Variants in TOMM20 observed in about 807,000 individuals in gnomAD.
TOMM20 encodes the protein mitochondrial import receptor subunit TOM20 homolog.
TOMM20 carries 10 observed loss-of-function variants against 22.1 expected under a neutral mutation model. The ratio of observed to expected loss-of-function variants is 0.45; its 90% CI spans 0.28 to 0.77. The LOEUF is 0.77. Among genes scored for constraint, TOMM20 ranks in the 30% least tolerant of loss-of-function variants. The probability of loss-of-function intolerance (pLI) is 0.13; values close to 1 mark genes in which losing one functional copy is unlikely to be tolerated. For synonymous variants in TOMM20, 55 were observed against 61.4 expected (o/e 0.90, Z 0.49); for missense variants, 121 against 172.2 (o/e 0.70, Z 1.66).
intron 1 of TOMM20, among the ~76,000 whole-genome samples, chr1:235,124,172 C>A (rs1660976054): frequency 2.0e-5 from 3 of 152,328 alleles, no homozygotes. Context: ...TACGGTGAAA[C>A]CCCGTCTTTA....
chr1:235,125,422 A>G lies in TOMM20; in HGVS notation c.122-3050T>C, dbSNP rs146259507. Among the ~76,000 whole-genome samples, 738 of 152,102 alleles carry G rather than the reference A, an allele frequency of 4.9e-3. 32 individuals carry two copies. The East Asian group carries it at 0.11, about 22-fold the overall frequency. ...AGTAAAGACGGGGTTTCACCATGTT[A>G]GCCAGGATGGTCTCGATCTCCTGAC... On this transcript the variant is annotated intron_variant, in intron 1 of 4. Transcript: ENST00000366607.
At chr1:235,113,600 G>A (rs1017874676) in intron 4 of TOMM20, among the ~76,000 whole-genome samples, 168 bp downstream of exon 4, 1 of 152,130 alleles carries the variant, frequency 6.6e-6, no homozygotes, top group Non-Finnish European at 1.5e-5. Flanking sequence ...CAGTCATCTG[G>A]ATGTTTCCCA....
Position 235,128,774 on chromosome 1 carries a change from C to G in TOMM20, c.-59G>C, listed in dbSNP as rs1052814412. The G allele has an allele frequency of 5.0e-6, 8 of 1,608,900 alleles. 1 individual carries two copies. Among genetic ancestry groups the G allele is most frequent in the Middle Eastern group, 1.7e-4 (1 of 6,050 alleles). ...CAGGGACCGCGAAGGAGCGGTGGGC[C>G]ACGAACCCTCAGAGCGGTCGGCGCA... is the stretch of plus-strand genomic sequence containing the variant. On this transcript the variant is annotated 5_prime_UTR_variant, in exon 1 of 5. Transcript: ENST00000366607.
At chr1:235,115,415 G>A (rs1215352007) in intron 3 of TOMM20, among the ~76,000 whole-genome samples, 1 of 151,884 alleles carries the variant, frequency 6.6e-6, no homozygotes, top group Non-Finnish European at 1.5e-5. Context: ...GGATCACAAG[G>A]TCAGGAGTTC....
rs1558131957 is a variant in TOMM20 at position 235,128,745 on chromosome 1, GC to G, written c.-31del. On this transcript the variant is annotated 5_prime_UTR_variant, in exon 1 of 5. Coordinates refer to ENST00000366607, the MANE Select transcript of TOMM20 (RefSeq NM_014765.3). The stretch of plus-strand genomic sequence containing the variant: ...TCTACAACGCTGAGCGTGGACGGTG[GC>G]GGCAGGGACCGCGAAGGAGCGGTGG... 9 of 1,613,108 alleles carry G rather than the reference GC, an allele frequency of 5.6e-6. No homozygotes were observed. In the Admixed American group the frequency reaches 1.3e-4, roughly 24 times the overall value.
chr1:235,128,612 T>G lies in TOMM20; in HGVS notation c.104A>C (p.Lys35Thr). The change falls in exon 1 of 5, where the codon AAG becomes ACG. Residue 35 changes from lysine (K) to threonine (T), a missense_variant. Coordinates refer to ENST00000366607, the MANE Select transcript of TOMM20 (RefSeq NM_014765.3). ...DRKRRSDPNF[K>T]NRLRERRKKQ... ...CCACTCACGTTCTCGAAGCCTGTTC[T>G]TGAAGTTGGGGTCACTTCGTCTTTT... 1 of 1,613,002 alleles carries G rather than the reference T, an allele frequency of 6.2e-7. No individual in the cohort carries two copies. The highest frequency in any genetic ancestry group is 8.5e-7 in the Non-Finnish European group (1 of 1,179,930).
At chr1:235,112,135 A>G (rs781452569) in intron 4 of TOMM20, 27 bp from the exon 5 acceptor site, 1 of 1,554,630 alleles carries the variant, frequency 6.4e-7, no homozygotes, top group Non-Finnish European at 8.8e-7. Flanking sequence ...ATAATTTTTT[A>G]AAGTGTCATA....
intron 1 of TOMM20, among the ~76,000 whole-genome samples, chr1:235,127,589 A>G (rs956228713): frequency 3.9e-5 from 6 of 152,206 alleles, no homozygotes; most frequent in African/African-American, 1.4e-4. Flanking sequence ...TAAGTAAACA[A>G]TAATCCCTTC....
intron 2 of TOMM20, 38 bp from the exon 3 acceptor site, chr1:235,119,937 T>C: frequency 4.3e-6 from 6 of 1,387,552 alleles, no homozygotes; most frequent in Non-Finnish European, 6.1e-6. Context: ...ACCACAATTA[T>C]GCCAGGGGAT....
intron 1 of TOMM20, among the ~76,000 whole-genome samples, chr1:235,126,558 A>T (rs912258249): frequency 1.3e-5 from 2 of 152,040 alleles, no homozygotes; most frequent in Non-Finnish European, 2.9e-5. Flanking sequence ...TAATCCCAGC[A>T]CTTTGGGAGG....
chr1:235,127,982 C>A (rs1300747403), intron 1 of TOMM20: 1 of 490,156 alleles, frequency 2.0e-6, no homozygotes, highest in Non-Finnish European at 4.1e-6. Context: ...TCGAGACTAG[C>A]CTGACCAACA....
chr1:235,120,773 G>A (rs1043215701), intron 2 of TOMM20, among the ~76,000 whole-genome samples: 2 of 148,810 alleles, frequency 1.3e-5, no homozygotes, highest in Non-Finnish European at 3.0e-5. Context: ...GGGAGGCTAA[G>A]GCAGGATTGC....
Position 235,121,062 on chromosome 1 carries a change from G to T in TOMM20, c.169-1163C>A, listed in dbSNP as rs542330701. 1.3e-5 allele frequency among the ~76,000 whole-genome samples: 2 copies of T among 152,098 alleles called. 1 individual carries two copies. The highest frequency in any genetic ancestry group is 4.2e-4 in the South Asian group (2 of 4,814). Reference sequence around the variant, plus strand: ...TAAAATACAAAAATTAGCTGGGCATGGTGACATGCACCTGTAGTCCCAGCT... The same window carrying T: ...TAAAATACAAAAATTAGCTGGGCATTGTGACATGCACCTGTAGTCCCAGCT... On this transcript the variant is annotated intron_variant, in intron 2 of 4. Transcript: ENST00000366607.
In TOMM20 at chr1:235,128,768, G is replaced by C; in HGVS notation, c.-53C>G. Reference sequence around the variant, plus strand: ...TGGCGGCAGGGACCGCGAAGGAGCGGTGGGCCACGAACCCTCAGAGCGGTC... The same window carrying C: ...TGGCGGCAGGGACCGCGAAGGAGCGCTGGGCCACGAACCCTCAGAGCGGTC... On this transcript the variant is annotated 5_prime_UTR_variant, in exon 1 of 5. Transcript: ENST00000366607. The C allele has an allele frequency of 1.2e-6, 2 of 1,610,514 alleles. No homozygotes were observed. The highest frequency in any genetic ancestry group is 1.7e-6 in the Non-Finnish European group (2 of 1,178,860).
intron 2 of TOMM20, among the ~76,000 whole-genome samples, chr1:235,121,111 A>G (rs1660925267): frequency 6.6e-6 from 1 of 151,628 alleles, no homozygotes; most frequent in African/African-American, 2.4e-5. Flanking sequence ...AGGCAGGAGA[A>G]TCGCTTGAAC....
chr1:235,116,147 C>A (rs1660823193), intron 3 of TOMM20, among the ~76,000 whole-genome samples: 1 of 152,192 alleles, frequency 6.6e-6, no homozygotes, highest in Admixed American at 6.5e-5. Context: ...CGGCTCACAC[C>A]TGTAATCCCA....
intron 4 of TOMM20, 104 bp from the exon 5 acceptor site, chr1:235,112,212 A>AT (rs1408622656): frequency 2.2e-6 from 2 of 910,274 alleles, no homozygotes; most frequent in Non-Finnish European, 3.4e-6. Context: ...GAATCTTAGT[A>AT]AAGTTCACCC....
intron 3 of TOMM20, among the ~76,000 whole-genome samples, chr1:235,115,067 G>GA (rs927427073): frequency 6.6e-6 from 1 of 151,478 alleles, no homozygotes; most frequent in African/African-American, 2.4e-5. Flanking sequence ...TGTAGAAACG[G>GA]GGTCTCACTA....
Position 235,112,077 on chromosome 1 carries a change from T to A in TOMM20, c.425A>T (p.Asp142Val). The A allele has an allele frequency of 6.2e-7, 1 of 1,607,842 alleles. No individual in the cohort carries two copies. The highest frequency in any genetic ancestry group is 8.5e-7 in the Non-Finnish European group (1 of 1,177,986). ...GACATTTGTTTCTCATTCCACATCA[T>A]CTTCAGCCAAGCTCTGAGCACTTAC... ...RIVSAQSLAE[D>V]DVE Residue 142 changes from aspartate (D) to valine (V), a missense_variant, in exon 5 of 5, where the codon GAT becomes GTT. Asp to Val is a radical substitution (Grantham distance 152, BLOSUM62 -3). Transcript: ENST00000366607.
Sources: gnomAD v4.1 joint callset for allele counts (sites outside exome capture counted in the v4.1 genomes callset) on GRCh38, gnomAD v4.1.1 for gene constraint, MANE v1.5 for transcripts, NCBI Gene and HGNC (gene_info 2026-07-23, HGNC 2026-07-21) for gene names.